FAM184A: variants seen among roughly 807,000 people sequenced by gnomAD.
The protein encoded by FAM184A is family with sequence similarity 184 member A, also known as protein FAM184A.
FAM184A carries 99 observed loss-of-function variants against 143.8 expected under a neutral mutation model. The ratio of observed to expected loss-of-function variants is 0.69; its 90% CI spans 0.58 to 0.81. FAM184A has a LOEUF of 0.81. Ranked by LOEUF, FAM184A falls within the 40% of genes least tolerant of loss-of-function variation. The pLI is 0.00. For synonymous variants in FAM184A, 427 were observed against 446.4 expected, an observed-to-expected ratio of 0.96 and a Z score of 0.55; for missense variants, 1,217 against 1,310.5, an observed-to-expected ratio of 0.93 and a Z score of 1.10.
Position 118,975,207 on chromosome 6 carries a change from C to A in FAM184A, c.2585G>T (p.Ser862Ile). Residue 862 changes from serine to isoleucine, a missense_variant and splice_region_variant, in exon 13 of 18, where the codon AGT (serine) becomes ATT (isoleucine). By Grantham distance (142) the Ser-to-Ile change is moderately radical. Transcript: ENST00000338891. The part of the protein sequence containing the change: ...ERSIDISRRQ[S>I]KEHICRITDL... ...TGTAATTCTACATATGTGCTCCTTA[C>A]TCTGTTAAAAAAAAAAAGTCATTTT... 1 of 1,521,616 alleles carries A rather than the reference C, an allele frequency of 6.6e-7. No homozygotes were observed. Among genetic ancestry groups the A allele is most frequent in the Non-Finnish European group, 8.8e-7 (1 of 1,137,052 alleles). The allele number at this position is 1,521,616 out of a possible 1,614,324, so 94.3% of individuals were successfully genotyped here. A position where few individuals can be genotyped will look rare whatever the true frequency, so the allele number is the denominator to read the frequency against.
chr6:118,991,381 G>C (rs549668527), intron 9 of FAM184A, among the ~76,000 whole-genome samples: 9 of 152,048 alleles, frequency 5.9e-5, no homozygotes, highest in Admixed American at 1.3e-4. Context: ...GGCTGGTCAC[G>C]AACTCCTGAC....
intron 1 of FAM184A, among the ~76,000 whole-genome samples, chr6:119,062,817 G>C (rs7764418): frequency 0.4 from 60,253 of 151,972 alleles, 14,456 homozygotes; most frequent in East Asian, 0.75. Flanking sequence ...ACCAAAGACT[G>C]CTTTGTCTCA....
At chr6:119,122,231 G>A (rs898730765) in intron 1 of FAM184A, among the ~76,000 whole-genome samples, 14 of 152,206 alleles carry the variant, frequency 9.2e-5, no homozygotes, top group Admixed American at 2.6e-4. Flanking sequence ...AGGGAGAAGC[G>A]GAAAAAGGCC....
intron 9 of FAM184A, among the ~76,000 whole-genome samples, chr6:118,980,623 A>G (rs1308664594): frequency 2.6e-5 from 4 of 152,226 alleles, no homozygotes; most frequent in Admixed American, 6.5e-5. Context: ...AATACAATGA[A>G]TATCTGTCTT....
At chr6:118,994,939 T>C (rs1309870660) in intron 9 of FAM184A, among the ~76,000 whole-genome samples, 2 of 152,230 alleles carry the variant, frequency 1.3e-5, no homozygotes, top group African/African-American at 4.8e-5. Flanking sequence ...CATATATCCA[T>C]GAATTTCCAT....
At chr6:119,147,549 T>C (rs1398643211) in intron 1 of FAM184A, among the ~76,000 whole-genome samples, 3 of 152,058 alleles carry the variant, frequency 2.0e-5, no homozygotes, top group African/African-American at 7.2e-5. Flanking sequence ...TAAAAATAGA[T>C]CTTTGACCCA....
intron 1 of FAM184A, among the ~76,000 whole-genome samples, chr6:119,071,919 G>A (rs1287986249): frequency 4.4e-5 from 6 of 135,746 alleles, no homozygotes; most frequent in Non-Finnish European, 9.2e-5. Context: ...AGGCTGGAGT[G>A]CAGTGGCATG....
intron 1 of FAM184A, among the ~76,000 whole-genome samples, chr6:119,070,583 A>G (rs951909168): frequency 8.5e-5 from 13 of 152,122 alleles, no homozygotes; most frequent in African/African-American, 3.1e-4. Flanking sequence ...CCCCCATATC[A>G]AACTACCATT....
At chr6:119,038,832 G>T (rs1425994580) in intron 1 of FAM184A, among the ~76,000 whole-genome samples, 1 of 152,128 alleles carries the variant, frequency 6.6e-6, no homozygotes, top group Non-Finnish European at 1.5e-5. Flanking sequence ...GTAACAAGAG[G>T]AGGTCAGGGA....
intron 17 of FAM184A, among the ~76,000 whole-genome samples, chr6:118,961,388 TA>T (rs1040664909): frequency 1.2e-4 from 18 of 150,640 alleles, no homozygotes; most frequent in African/African-American, 4.4e-4. Context: ...TAAACATATA[TA>T]AAAAACAAAA....
At chr6:119,120,751 G>A (rs1789187783) in intron 1 of FAM184A, among the ~76,000 whole-genome samples, 1 of 150,608 alleles carries the variant, frequency 6.6e-6, no homozygotes, top group African/African-American at 2.4e-5. Context: ...GTGGAGAAAT[G>A]TATTACTTTT....
rs756967445 is a variant in FAM184A, at chr6:118,959,976, T to C, written c.*127A>G. The C allele has an allele frequency of 1.9e-5, 12 of 627,100 alleles. No homozygotes were observed. Among genetic ancestry groups the C allele is most frequent in the Non-Finnish European group, 2.9e-5 (11 of 375,090 alleles). 38.8% of individuals were successfully genotyped at this position (627,100 alleles called of 1,614,324 possible). On this transcript the variant is annotated 3_prime_UTR_variant, in exon 18 of 18. Transcript: ENST00000338891. ...ATATCACAGGAAATACAGTGCATTT[T>C]CAAGTTGGAGAGACAAATACTTTCT...
chr6:118,994,127 A>G (rs567161640), intron 9 of FAM184A, among the ~76,000 whole-genome samples: 8 of 152,254 alleles, frequency 5.3e-5, no homozygotes, highest in Middle Eastern at 3.4e-3. Context: ...TTACACATGA[A>G]TGTTTACCAC....
rs532076653 is a variant in FAM184A at position 119,028,249 on chromosome 6, T to G, written c.160-3436A>C. ...AAAACCTTGATGTGTGTTTTCACTG[T>G]GCCAGTTGAGCAGACTCCAGTTCTG... On this transcript the variant is annotated intron_variant, in intron 1 of 17. Transcript: ENST00000338891. Among the ~76,000 whole-genome samples the G allele has an allele frequency of 1.1e-4, 16 of 152,320 alleles. No individual in the cohort carries two copies. The South Asian group carries it at 3.3e-3, about 32-fold the overall frequency.
At chr6:118,972,652 T>C (rs974399036) in intron 14 of FAM184A, among the ~76,000 whole-genome samples, 3 of 152,162 alleles carry the variant, frequency 2.0e-5, no homozygotes, top group Non-Finnish European at 2.9e-5. Context: ...CTACTGAAGA[T>C]TCATAATGTG....
chr6:119,063,389 T>C (rs1047403410), intron 1 of FAM184A, among the ~76,000 whole-genome samples: 1 of 152,234 alleles, frequency 6.6e-6, no homozygotes, highest in African/African-American at 2.4e-5. Flanking sequence ...CTGCAGAACA[T>C]ACTGCATGTT....
chr6:119,111,474 G>C (rs1788930764), intron 1 of FAM184A, among the ~76,000 whole-genome samples: 1 of 152,194 alleles, frequency 6.6e-6, no homozygotes, highest in Non-Finnish European at 1.5e-5. Context: ...AATGTTCTCA[G>C]TGCCCAGAAC....
chr6:119,079,290 G>A (rs1787993287), upstream of FAM184A: 2 of 152,176 alleles, frequency 1.3e-5, no homozygotes, highest in South Asian at 4.1e-4. Flanking sequence ...GTCAGCTGGT[G>A]GAGCACCGCA....
chr6:119,056,017 T>C (rs914140505), intron 1 of FAM184A, among the ~76,000 whole-genome samples: 5 of 152,180 alleles, frequency 3.3e-5, no homozygotes, highest in African/African-American at 1.2e-4. Flanking sequence ...TGAGTATTTA[T>C]ACAGGGTATA....
Sources: gnomAD v4.1 joint callset for allele counts (sites outside exome capture counted in the v4.1 genomes callset) on GRCh38, gnomAD v4.1.1 for gene constraint, MANE v1.5 for transcripts, NCBI Gene and HGNC (gene_info 2026-07-23, HGNC 2026-07-21) for gene names.